Variants in CD81 observed in about 807,000 individuals in gnomAD.
CD81 encodes the protein CD81 antigen.
Under a neutral mutation model 30.1 loss-of-function variants are expected in CD81, and 10 were observed. The observed-to-expected ratio is 0.33, with a 90% CI of 0.21 to 0.56. The LOEUF is 0.56. Among genes scored for constraint, CD81 ranks in the 20% least tolerant of loss-of-function variants. The pLI, the probability that CD81 is intolerant of heterozygous loss-of-function variation, is 0.89. For missense variants in CD81, 263 were observed against 308.7 expected, an observed-to-expected ratio of 0.85 and a Z score of 1.11; for synonymous variants, 147 against 126.4, an observed-to-expected ratio of 1.16 and a Z score of -1.10.
chr11:2,388,306 G>T (rs1302262973), intron 1 of CD81, among the ~76,000 whole-genome samples: 3 of 151,000 alleles, frequency 2.0e-5, no homozygotes, highest in Admixed American at 1.3e-4. Context: ...AGAGCCCCCA[G>T]CTCCTCCACC....
At chr11:2,381,627 A>G (rs1050018413) in intron 1 of CD81, among the ~76,000 whole-genome samples, 1 of 152,152 alleles carries the variant, frequency 6.6e-6, no homozygotes, top group African/African-American at 2.4e-5. Context: ...GCAGGTCATC[A>G]CCCTTGTACC....
At chr11:2,386,669 C>T (rs560065775) in intron 1 of CD81, 2 of 712,262 alleles carry the variant, frequency 2.8e-6, no homozygotes, top group African/African-American at 1.7e-5. Flanking sequence ...CCTGGCACTC[C>T]TTCTTGCCCC....
At chr11:2,387,622 AC>A (rs1464432726) in intron 1 of CD81, among the ~76,000 whole-genome samples, 3 of 151,996 alleles carry the variant, frequency 2.0e-5, no homozygotes, top group Non-Finnish European at 2.9e-5. Context: ...GCACAGAAGA[AC>A]CAGGAGCTGT....
intron 3 of CD81, 198 bp from the exon 4 acceptor site, chr11:2,394,774 T>C: frequency 1.5e-6 from 1 of 649,554 alleles, no homozygotes; most frequent in Admixed American, 2.1e-5. Context: ...ATCCTGGGCT[T>C]TGACGGCTCC....
intron 1 of CD81, chr11:2,386,251 C>T (rs553730706): frequency 1.7e-4 from 114 of 688,392 alleles, no homozygotes; most frequent in Non-Finnish European, 2.3e-4. Context: ...GATTGGGTTG[C>T]CAGTTTTCTT....
chr11:2,395,975 G>C lies in CD81; in HGVS notation c.561+5G>C, dbSNP rs376624998. The stretch of plus-strand genomic sequence containing the variant: ...ATCATCAGCAACCTCTTCAAGGTGC[G>C]CGAGGCCGGTGGGGCCGCGCCTGAC... On this transcript the variant is annotated splice_donor_5th_base_variant and intron_variant, in intron 6 of 7. Coordinates refer to ENST00000263645, the MANE Select transcript of CD81 (RefSeq NM_004356.4). 30 of 1,599,534 alleles carry C rather than the reference G, an allele frequency of 1.9e-5. No homozygotes were observed. Among genetic ancestry groups the C allele is most frequent in the Middle Eastern group, 3.3e-4 (2 of 6,032 alleles).
At chr11:2,391,682 T>A (rs77595084) in intron 2 of CD81, 416 of 152,046 alleles carry the variant, frequency 2.7e-3, no homozygotes, top group Non-Finnish European at 5.0e-3. Context: ...CATAGGTTCC[T>A]GGCCTCTCTC....
chr11:2,396,508 G>A (rs1210146380), intron 6 of CD81, 120 bp from the exon 7 acceptor site: 10 of 893,978 alleles, frequency 1.1e-5, no homozygotes, highest in Middle Eastern at 6.3e-4. Context: ...TAGGGGGTGG[G>A]GGGCTGTTCC....
chr11:2,377,113 C>T (rs1849605098), upstream of CD81, among the ~76,000 whole-genome samples: 1 of 152,098 alleles, frequency 6.6e-6, no homozygotes, highest in South Asian at 2.1e-4. The surrounding 1 kb of genome is among the most constrained non-coding windows in gnomAD (Gnocchi z 7.7). Flanking sequence ...CCGCGCCCAG[C>T]ACGGTGCACC....
At chr11:2,380,860 C>A (rs72845786) in intron 1 of CD81, among the ~76,000 whole-genome samples, 1,569 of 152,312 alleles carry the variant, frequency 0.01, 11 homozygotes, top group Middle Eastern at 0.02. Context: ...CGGTGTCCCC[C>A]GCCTGGGACT....
In CD81 at chr11:2,377,936, T is replaced by G; in HGVS notation, c.66+321T>G. The G allele has an allele frequency of 1.2e-5, 2 of 162,774 alleles. No individual in the cohort carries two copies. The highest frequency in any genetic ancestry group is 1.3e-5 in the Non-Finnish European group (1 of 74,828). The allele number at this position is 162,774 out of a possible 1,614,324, so 10.1% of individuals were successfully genotyped here. On this transcript the variant is annotated intron_variant, in intron 1 of 7. Coordinates refer to ENST00000263645, the MANE Select transcript of CD81 (RefSeq NM_004356.4). This position sits in a 1 kb window ranked among gnomAD's most constrained non-coding sequence, Gnocchi z 7.7. ...CGGTGGTCGCGGGTCGGGACCCGAG[T>G]ACCCGGCCGCCCCTCAGCTAAGGAG...
chr11:2,378,703 A>G lies in CD81; in HGVS notation c.66+1088A>G, dbSNP rs566433529. Reference sequence around the variant, plus strand: ...GCCACGCCCCTGGGCATAGACTGCAAGCCCCTCCCCGTGCCCCCCAGGCTG... The same window carrying G: ...GCCACGCCCCTGGGCATAGACTGCAGGCCCCTCCCCGTGCCCCCCAGGCTG... On this transcript the variant is annotated intron_variant, in intron 1 of 7. Transcript: ENST00000263645. This position sits in a 1 kb window ranked among gnomAD's most constrained non-coding sequence, Gnocchi z 4.9. Among the ~76,000 whole-genome samples, 1 of 152,108 alleles carries G rather than the reference A, an allele frequency of 6.6e-6. No homozygotes were observed. The highest frequency in any genetic ancestry group is 6.5e-5 in the Admixed American group (1 of 15,280).
chr11:2,391,743 T>C (rs1849904999), intron 2 of CD81: 1 of 152,292 alleles, frequency 6.6e-6, no homozygotes. Flanking sequence ...GAAAGGCTGC[T>C]TGTCCCAGGG....
At chr11:2,389,450 C>T (rs77112521) in intron 1 of CD81, among the ~76,000 whole-genome samples, 4,571 of 152,160 alleles carry the variant, frequency 0.03, 245 homozygotes, top group African/African-American at 0.1. Flanking sequence ...GCCTGGGGCA[C>T]GTGCCTGGCC....
chr11:2,376,994 C>T (rs1013602949), upstream of CD81: 3 of 152,380 alleles, frequency 2.0e-5, no homozygotes, highest in Non-Finnish European at 2.9e-5. Flanking sequence ...GTTGTTCTCC[C>T]GGCACCGGGG....
At chr11:2,395,842 C>G in intron 5 of CD81, 27 bp from the exon 6 acceptor site, 1 of 1,520,128 alleles carries the variant, frequency 6.6e-7, no homozygotes. Context: ...ACATCCAGGG[C>G]TGACCTTGCA....
rs1273789546 is a variant in CD81, at chr11:2,390,396, T to G, written c.67-16T>G. On this transcript the variant is annotated splice_polypyrimidine_tract_variant and intron_variant, in intron 1 of 7. Transcript: ENST00000263645. ...GTGCTCTTCGTACATGTGACACTGT[T>G]CCCGCTCTTTCCCAGCTGGCTGGAG... 1.9e-6 allele frequency: 3 copies of G among 1,601,422 alleles called. No individual in the cohort carries two copies. Among genetic ancestry groups the G allele is most frequent in the Non-Finnish European group, 2.6e-6 (3 of 1,169,962 alleles).
chr11:2,387,075 G>A (rs1849811157), intron 1 of CD81, among the ~76,000 whole-genome samples: 1 of 152,222 alleles, frequency 6.6e-6, no homozygotes, highest in African/African-American at 2.4e-5. Context: ...CTGTTAGGAC[G>A]GTATGCCCAT....
At chr11:2,385,268 G>C (rs1342682045) in intron 1 of CD81, among the ~76,000 whole-genome samples, 1 of 152,032 alleles carries the variant, frequency 6.6e-6, no homozygotes, top group Non-Finnish European at 1.5e-5. Context: ...GGTAAGTTTT[G>C]ACAAATTTAT....
Sources: allele counts gnomAD v4.1 joint callset (sites outside exome capture counted in the v4.1 genomes callset), GRCh38; gene constraint gnomAD v4.1.1; non-coding constraint Gnocchi (gnomAD v3.1); transcripts MANE v1.5; gene names NCBI Gene and HGNC (gene_info 2026-07-23, HGNC 2026-07-21).